The following RFX8 variants were observed in gnomAD, a reference collection of about 807,000 sequenced individuals.
The protein encoded by RFX8 is DNA-binding protein RFX8.
A neutral mutation model predicts 54.6 loss-of-function variants in RFX8; 46 were observed. That is an observed-to-expected ratio of 0.84 (90% CI 0.67 to 1.08). The LOEUF (loss-of-function observed/expected upper bound fraction) is 1.08, where lower values mean the gene tolerates loss of function less well. RFX8 is among the 50% of genes least tolerant of loss of function. RFX8 has a pLI of 0.00. For missense variants in RFX8, 536 were observed against 562.3 expected (o/e 0.95, Z 0.47); for synonymous variants, 192 against 209.5 (o/e 0.92, Z 0.72).
chr2:101,410,610 G>A lies in RFX8; in HGVS notation c.813+9C>T. On this transcript the variant is annotated intron_variant, in intron 9 of 11. Transcript: ENST00000428343. ...ACACTTTTTTTTTTTTTAAGTCACA[G>A]CTTCCTACCTGGAACACAAATGCTT... The A allele has an allele frequency of 2.1e-6, 3 of 1,436,174 alleles. No homozygotes were observed. The highest frequency in any genetic ancestry group is 2.6e-5 in the South Asian group (2 of 77,136). The allele number at this position is 1,436,174 out of a possible 1,614,324, so 89.0% of individuals were successfully genotyped here. A position where few individuals can be genotyped will look rare whatever the true frequency, so the allele number is the denominator to read the frequency against.
chr2:101,420,895 G>A (rs1686825568), intron 4 of RFX8, among the ~76,000 whole-genome samples: 1 of 152,176 alleles, frequency 6.6e-6, no homozygotes. Flanking sequence ...AACTTCTCAA[G>A]CCTTATGGAG....
chr2:101,455,162 C>T (rs1688901033), intron 2 of RFX8, among the ~76,000 whole-genome samples: 1 of 152,048 alleles, frequency 6.6e-6, no homozygotes, highest in African/African-American at 2.4e-5. Context: ...AGGCACCCGC[C>T]ACCACACTCA....
chr2:101,474,395 G>GGGGGCGCGCGGGGCGC (rs1009545748), intron 1 of RFX8: 4 of 383,052 alleles, frequency 1.0e-5, no homozygotes, highest in African/African-American at 8.4e-5. Flanking sequence ...GGAGCGCGCG[G>GGGGGCGCGCGGGGCGC]GGGGCGCGCG....
At chr2:101,472,354 G>A (rs1015982455) in intron 1 of RFX8, among the ~76,000 whole-genome samples, 12 of 151,968 alleles carry the variant, frequency 7.9e-5, no homozygotes, top group Non-Finnish European at 1.3e-4. Context: ...CACCTGCCTC[G>A]GCCTCCCAAA....
At chr2:101,459,096 T>C (rs796885174) in intron 2 of RFX8, among the ~76,000 whole-genome samples, 6 of 152,330 alleles carry the variant, frequency 3.9e-5, no homozygotes, top group Admixed American at 2.0e-4. Flanking sequence ...CTGTTTATTC[T>C]AGTTAGCCAT....
chr2:101,398,077 C>T (rs1035658774), intron 11 of RFX8, among the ~76,000 whole-genome samples: 4 of 152,186 alleles, frequency 2.6e-5, no homozygotes, highest in South Asian at 2.1e-4. Context: ...AGGCTGGTTT[C>T]GAACTCCTGA....
Position 101,402,684 on chromosome 2 carries a change from C to T in RFX8, c.997G>A (p.Glu333Lys), listed in dbSNP as rs1310325374. ...CCCATGTCCTCCTCCTCCTCTTCCT[C>T]CTCTAGGCATGACTGAAGTATATGA... Reference protein sequence around the residue: ...MIHILQSCLEEEEEEEDMGTV... With the variant: ...MIHILQSCLEKEEEEEDMGTV... Residue 333 changes from glutamate (E) to lysine (K), a missense_variant, in exon 11 of 12, where the codon GAG becomes AAG. Glu to Lys is a moderately conservative substitution (Grantham distance 56). Transcript: ENST00000428343. 6.4e-7 allele frequency: 1 copy of T among 1,555,152 alleles called. No individual in the cohort carries two copies.
chr2:101,417,976 C>T (rs377739153), intron 5 of RFX8, among the ~76,000 whole-genome samples: 11 of 152,226 alleles, frequency 7.2e-5, no homozygotes, highest in Admixed American at 2.6e-4. Context: ...CTGCAACCTC[C>T]GCCTCCCGGG....
intron 3 of RFX8, 77 bp downstream of exon 3, chr2:101,422,285 G>T: frequency 1.3e-6 from 1 of 755,392 alleles, no homozygotes; most frequent in Non-Finnish European, 2.3e-6. Context: ...CATGACCACA[G>T]GCACAAAAGG....
chr2:101,446,912 C>T (rs548258690), intron 2 of RFX8, among the ~76,000 whole-genome samples: 96 of 152,318 alleles, frequency 6.3e-4, no homozygotes, highest in African/African-American at 2.2e-3. Flanking sequence ...GACATTCTAA[C>T]AGTCACTAAA....
At chr2:101,440,146 C>T (rs1688016144) in intron 2 of RFX8, among the ~76,000 whole-genome samples, 1 of 151,644 alleles carries the variant, frequency 6.6e-6, no homozygotes, top group Admixed American at 6.6e-5. Flanking sequence ...ATATACCATA[C>T]AATTCACCCG....
intron 8 of RFX8, among the ~76,000 whole-genome samples, chr2:101,412,261 T>C (rs1000565090): frequency 1.3e-5 from 2 of 152,160 alleles, no homozygotes; most frequent in South Asian, 4.1e-4. Flanking sequence ...AGGTCCTCCC[T>C]GAGTCTGGAG....
chr2:101,417,149 T>C (rs1686571857), intron 6 of RFX8, among the ~76,000 whole-genome samples: 1 of 152,226 alleles, frequency 6.6e-6, no homozygotes, highest in Admixed American at 6.5e-5. Flanking sequence ...AGCTGAAAGC[T>C]ACCACCCAGG....
intron 2 of RFX8, among the ~76,000 whole-genome samples, chr2:101,428,366 T>G (rs891170872): frequency 6.6e-6 from 1 of 152,206 alleles, no homozygotes; most frequent in African/African-American, 2.4e-5. Flanking sequence ...TTGCTCCCTC[T>G]CTTTCCACCA....
At chr2:101,442,252 T>C (rs1410580729) in intron 2 of RFX8, among the ~76,000 whole-genome samples, 2 of 152,222 alleles carry the variant, frequency 1.3e-5, no homozygotes, top group Non-Finnish European at 2.9e-5. Context: ...CTGATTTTTG[T>C]TTCATCAAAC....
intron 1 of RFX8, among the ~76,000 whole-genome samples, chr2:101,470,496 GC>G (rs1309896243): frequency 6.6e-6 from 1 of 152,068 alleles, no homozygotes; most frequent in African/African-American, 2.4e-5. Context: ...TGGAAATAAA[GC>G]CTGTCTACAT....
chr2:101,445,566 T>C (rs1688328262), intron 2 of RFX8, among the ~76,000 whole-genome samples: 1 of 150,700 alleles, frequency 6.6e-6, no homozygotes, highest in African/African-American at 2.4e-5. Context: ...AATAGTTATA[T>C]ATAAATATAT....
intron 2 of RFX8, among the ~76,000 whole-genome samples, chr2:101,442,763 C>T (rs370497691): frequency 2.8e-4 from 42 of 152,078 alleles, no homozygotes; most frequent in African/African-American, 9.4e-4. Context: ...CCCACTGGTT[C>T]CTGCTGGTGC....
intron 7 of RFX8, among the ~76,000 whole-genome samples, chr2:101,414,298 C>T (rs1686350852): frequency 6.6e-6 from 1 of 152,020 alleles, no homozygotes; most frequent in Non-Finnish European, 1.5e-5. Context: ...GATGGAGTCT[C>T]GTTTTGTTGT....
Sources: allele counts gnomAD v4.1 joint callset (sites outside exome capture counted in the v4.1 genomes callset), GRCh38; gene constraint gnomAD v4.1.1; transcripts MANE v1.5; gene names NCBI Gene and HGNC (gene_info 2026-07-23, HGNC 2026-07-21).